Variants in CSMD1 observed in about 807,000 individuals in gnomAD.
The protein encoded by CSMD1 is CUB and Sushi multiple domains 1.
CSMD1 carries 213 observed loss-of-function variants against 417.5 expected under a neutral mutation model. The observed-to-expected ratio is 0.51, with a 90% CI of 0.46 to 0.57. The LOEUF (loss-of-function observed/expected upper bound fraction) is 0.57, where lower values mean the gene tolerates loss of function less well. CSMD1 is among the 20% of genes least tolerant of loss of function. The pLI is 0.00. For missense variants in CSMD1, 6,923 were observed against 4,529.7 expected (o/e 1.53, Z -15.17); for synonymous variants, 2,862 against 1,736.8 (o/e 1.65, Z -16.11).
At chr8:2,968,277 G>C (rs1369448373) in intron 57 of CSMD1, among the ~76,000 whole-genome samples, 2 of 152,226 alleles carry the variant, frequency 1.3e-5, no homozygotes, top group East Asian at 3.8e-4. Context: ...GTCACAGAAA[G>C]GGAGTGAGTT....
intron 5 of CSMD1, among the ~76,000 whole-genome samples, chr8:3,766,210 G>A (rs1047295823): frequency 6.6e-6 from 1 of 152,180 alleles, no homozygotes; most frequent in African/African-American, 2.4e-5. Flanking sequence ...CCAGCACAGT[G>A]GTGCGCTTTC....
intron 1 of CSMD1, among the ~76,000 whole-genome samples, chr8:4,817,554 AAAGTAAAATTATAATTTCCCACATTT>A (rs1487857255): frequency 2.0e-5 from 3 of 152,254 alleles, no homozygotes; most frequent in African/African-American, 7.2e-5. Flanking sequence ...TTTCCTTTTC[AAAGTAAAATTATAATTTCCCACATTT>A]TGACTTTGCT....
At chr8:4,951,596 A>C (rs1330094276) in intron 1 of CSMD1, among the ~76,000 whole-genome samples, 1 of 147,740 alleles carries the variant, frequency 6.8e-6, no homozygotes, top group Non-Finnish European at 1.5e-5. Flanking sequence ...AAAAAAAGAA[A>C]AACCTGCGGG....
Position 3,208,503 on chromosome 8 carries a change from G to C in CSMD1, c.4868-2883C>G, listed in dbSNP as rs375349890. ...GATGGTCTGGATCTGTTGACCTCGT[G>C]ATCCACCTACCTCGGCCTCCCAAGG... On this transcript the variant is annotated intron_variant, in intron 30 of 69. Transcript: ENST00000635120. Among the ~76,000 whole-genome samples the C allele has an allele frequency of 9.8e-5, 15 of 152,306 alleles. No individual in the cohort carries two copies. In the South Asian group the frequency reaches 2.9e-3, roughly 29 times the overall value.
Position 3,250,112 on chromosome 8 carries a change from G to T in CSMD1, c.4154-19881C>A, listed in dbSNP as rs187535928. Among the ~76,000 whole-genome samples, 385 of 152,220 alleles carry T rather than the reference G, an allele frequency of 2.5e-3. 3 individuals carry two copies. Among genetic ancestry groups the T allele is most frequent in the African/African-American group, 8.9e-3 (368 of 41,520 alleles). ...TAGGGTACATGTGCACAACGTGCAGGTTTGTTACATATATATACATGTGCC... is the reference window on the plus strand; with the variant it reads ...TAGGGTACATGTGCACAACGTGCAGTTTTGTTACATATATATACATGTGCC... On this transcript the variant is annotated intron_variant, in intron 26 of 69. Coordinates refer to ENST00000635120, the MANE Select transcript of CSMD1 (RefSeq NM_033225.6).
intron 26 of CSMD1, among the ~76,000 whole-genome samples, chr8:3,264,209 T>C (rs1701913571): frequency 6.6e-6 from 1 of 152,200 alleles, no homozygotes; most frequent in South Asian, 2.1e-4. Context: ...GAAGTAATTA[T>C]TAGATTTCTT....
At chr8:3,636,305 C>T (rs1258274827) in intron 7 of CSMD1, among the ~76,000 whole-genome samples, 2 of 152,136 alleles carry the variant, frequency 1.3e-5, no homozygotes, top group African/African-American at 4.8e-5. Flanking sequence ...GGCTGTTGTA[C>T]AGGCCGGGAT....
chr8:3,093,620 G>A (rs1036114337), intron 47 of CSMD1, among the ~76,000 whole-genome samples: 21 of 151,860 alleles, frequency 1.4e-4, no homozygotes, highest in African/African-American at 5.1e-4. Flanking sequence ...GTGAGCTGAG[G>A]TTGTGCCATT....
At chr8:4,934,515 G>C (rs543041796) in intron 1 of CSMD1, among the ~76,000 whole-genome samples, 14 of 152,226 alleles carry the variant, frequency 9.2e-5, no homozygotes, top group Admixed American at 1.3e-4. Context: ...AGAGCTTCCG[G>C]GGCTTTGAGC....
At chr8:3,627,829 G>A (rs1437239156) in intron 7 of CSMD1, among the ~76,000 whole-genome samples, 1 of 152,166 alleles carries the variant, frequency 6.6e-6, no homozygotes, top group Non-Finnish European at 1.5e-5. Context: ...ATATTAAGGT[G>A]TCTGATTTCA....
chr8:3,255,832 C>T (rs899494564), intron 26 of CSMD1, among the ~76,000 whole-genome samples: 1 of 152,200 alleles, frequency 6.6e-6, no homozygotes, highest in Non-Finnish European at 1.5e-5. Context: ...TGTGATGCCT[C>T]ATCCTGCTTT....
chr8:3,173,614 C>T (rs749725999), intron 37 of CSMD1, among the ~76,000 whole-genome samples: 10 of 152,182 alleles, frequency 6.6e-5, no homozygotes, highest in Non-Finnish European at 1.3e-4. Flanking sequence ...AGTTATTACA[C>T]TATTGGATGA....
At chr8:4,076,246 C>G (rs542180441) in intron 3 of CSMD1, among the ~76,000 whole-genome samples, 3 of 152,308 alleles carry the variant, frequency 2.0e-5, no homozygotes, top group South Asian at 4.1e-4. Flanking sequence ...TGGCACTTCT[C>G]TCTCCTGCCA....
intron 7 of CSMD1, among the ~76,000 whole-genome samples, chr8:3,654,412 G>A (rs921669883): frequency 3.9e-5 from 6 of 152,264 alleles, no homozygotes; most frequent in African/African-American, 1.4e-4. Context: ...GTACCCTTTG[G>A]TGTAGTCCAC....
intron 6 of CSMD1, among the ~76,000 whole-genome samples, chr8:3,724,363 T>C (rs922660966): frequency 6.6e-6 from 1 of 152,198 alleles, no homozygotes; most frequent in African/African-American, 2.4e-5. Flanking sequence ...TGGTCAAATA[T>C]ACTTATTTTC....
Position 3,523,706 on chromosome 8 carries a change from C to A in CSMD1, c.1345-29980G>T, listed in dbSNP as rs78656779. Among the ~76,000 whole-genome samples the A allele has an allele frequency of 6.1e-3, 913 of 150,848 alleles. 13 individuals are homozygous for A. The highest frequency in any genetic ancestry group is 0.022 in the African/African-American group (894 of 40,824). ...CCAGAGAGACATATGCACACATGTG[C>A]ATGCACACACATATGCATGCACACT... On this transcript the variant is annotated intron_variant, in intron 10 of 69. Transcript: ENST00000635120.
chr8:4,788,953 T>G (rs929401018), intron 1 of CSMD1, among the ~76,000 whole-genome samples: 7 of 152,306 alleles, frequency 4.6e-5, no homozygotes, highest in South Asian at 2.1e-4. Flanking sequence ...TGCAGAGTTC[T>G]GACATGAACT....
In CSMD1 at chr8:3,439,154, C is replaced by CAAAAAAAAAAAAAAAAAAAAAAAAA. The variant is rs1563390150; in HGVS notation, c.1562-29550_1562-29549insTTTTTTTTTTTTTTTTTTTTTTTTT. On this transcript the variant is annotated intron_variant, in intron 12 of 69. Coordinates refer to ENST00000635120, the MANE Select transcript of CSMD1 (RefSeq NM_033225.6). Reference sequence around the variant, plus strand: ...AAAAAAAAAAAAAAAAAAAAAAAACCAAGAAAAAAAAAAGAAAAAGAAAAA... The same window carrying CAAAAAAAAAAAAAAAAAAAAAAAAA: ...AAAAAAAAAAAAAAAAAAAAAAAACCAAAAAAAAAAAAAAAAAAAAAAAAAAAGAAAAAAAAAAGAAAAAGAAAAA... Among the ~76,000 whole-genome samples, 34 of 26,614 alleles carry CAAAAAAAAAAAAAAAAAAAAAAAAA rather than the reference C, an allele frequency of 1.3e-3. 1 individual carries two copies. Among genetic ancestry groups the CAAAAAAAAAAAAAAAAAAAAAAAAA allele is most frequent in the East Asian group, 4.1e-3 (3 of 726 alleles). The allele number at this position is 26,614 out of a possible 152,430, so 17.5% of individuals were successfully genotyped here.
intron 11 of CSMD1, among the ~76,000 whole-genome samples, chr8:3,470,181 T>C (rs1318681203): frequency 1.3e-5 from 2 of 152,198 alleles, no homozygotes. Context: ...TCTTTAAAGT[T>C]TTTTTGTAAA....
Sources: allele counts gnomAD v4.1 joint callset (sites outside exome capture counted in the v4.1 genomes callset), GRCh38; gene constraint gnomAD v4.1.1; transcripts MANE v1.5; gene names NCBI Gene and HGNC (gene_info 2026-07-23, HGNC 2026-07-21).